The following SLC2A1 variants were observed in gnomAD, a reference collection of about 807,000 sequenced individuals.
The protein encoded by SLC2A1 is solute carrier family 2 member 1.
In SLC2A1, 4 loss-of-function variants were observed where a neutral mutation model predicts 46.6. The observed-to-expected ratio is 0.09, with a 90% CI of 0.04 to 0.20. SLC2A1 has a LOEUF of 0.20. Ranked by LOEUF, SLC2A1 falls within the 10% of genes least tolerant of loss-of-function variation. The pLI, the probability that SLC2A1 is intolerant of heterozygous loss-of-function variation, is 1.00. For missense variants in SLC2A1, 352 were observed against 667.0 expected, an observed-to-expected ratio of 0.53 and a Z score of 5.20; for synonymous variants, 253 against 270.0, an observed-to-expected ratio of 0.94 and a Z score of 0.62.
rs1381794818 is a variant in SLC2A1, at chr1:42,925,380, A to G, written c.*1661T>C. 3 of 152,196 alleles carry G rather than the reference A, an allele frequency of 2.0e-5. No homozygotes were observed. The highest frequency in any genetic ancestry group is 2.1e-4 in the South Asian group (1 of 4,834). The allele number at this position is 152,196 out of a possible 1,614,324, so 9.4% of individuals were successfully genotyped here. A position where few individuals can be genotyped will look rare whatever the true frequency, so the allele number is the denominator to read the frequency against. On this transcript the variant is annotated 3_prime_UTR_variant, in exon 10 of 10. Transcript: ENST00000426263. ...TTGTCAGCTGAGCCTCTAGAGACAA[A>G]TATCTTTGGTGTTTTATTTCCTCCA...
intron 2 of SLC2A1, among the ~76,000 whole-genome samples, chr1:42,938,124 TCA>T (rs1157158713): frequency 6.6e-6 from 1 of 152,202 alleles, no homozygotes; most frequent in African/African-American, 2.4e-5. Flanking sequence ...TACTGGCAGC[TCA>T]GTCATTTGGG....
chr1:42,937,848 G>T (rs1424433782), intron 2 of SLC2A1, among the ~76,000 whole-genome samples: 2 of 152,204 alleles, frequency 1.3e-5, no homozygotes, highest in Non-Finnish European at 2.9e-5. Context: ...ACGAAGCCCA[G>T]TTCAGCCTGA....
At position 42,943,933 on chromosome 1, in the gene SLC2A1, C is replaced by T. The variant is rs184662808; in HGVS notation, c.19-612G>A. Among the ~76,000 whole-genome samples the T allele has an allele frequency of 7.1e-3, 1,082 of 152,288 alleles. 5 individuals carry two copies. Among genetic ancestry groups the T allele is most frequent in the Non-Finnish European group, 0.011 (720 of 68,024 alleles). On this transcript the variant is annotated intron_variant, in intron 1 of 9. Coordinates refer to ENST00000426263, the MANE Select transcript of SLC2A1 (RefSeq NM_006516.4). ...TGTGATCCCACCTTGCCCTACCCTT[C>T]CTGCTGTTCACAGGGCAGGAAACTG...
At chr1:42,946,530 T>C (rs1643657675) in intron 1 of SLC2A1, among the ~76,000 whole-genome samples, 1 of 151,880 alleles carries the variant, frequency 6.6e-6, no homozygotes, top group African/African-American at 2.4e-5. Flanking sequence ...GAGGGAAAGA[T>C]TTCCAGTTTT....
chr1:42,930,786 A>G lies in SLC2A1; in HGVS notation c.356T>C (p.Phe119Ser). Residue 119 changes from phenylalanine (F) to serine (S), a missense_variant, in exon 4 of 10, where the codon TTT (phenylalanine) becomes TCT (serine). Physicochemically the swap from Phe to Ser is radical, Grantham distance 155. Transcript: ENST00000426263. This position sits in a 1 kb window ranked among gnomAD's most constrained non-coding sequence, Gnocchi z 6.2. ...LMGFSKLGKS[F>S]EMLILGRFII... ...GAAGCGGCCCAGGATCAGCATCTCA[A>G]AGGACTTGCCCAGTTTCGAGAAGCC... is the stretch of plus-strand genomic sequence containing the variant. 6.2e-7 allele frequency: 1 copy of G among 1,603,068 alleles called. No homozygotes were observed. The highest frequency in any genetic ancestry group is 1.3e-5 in the African/African-American group (1 of 75,026).
chr1:42,950,879 G>A lies in SLC2A1; in HGVS notation c.19-7558C>T, dbSNP rs539729737. On this transcript the variant is annotated intron_variant, in intron 1 of 9. Coordinates refer to ENST00000426263, the MANE Select transcript of SLC2A1 (RefSeq NM_006516.4). ...AATCCCAACTACTCGGGAGGCTGAGGCAGGAGAATCACTTGAACCCGGGAG... is the reference window on the plus strand; with the variant it reads ...AATCCCAACTACTCGGGAGGCTGAGACAGGAGAATCACTTGAACCCGGGAG... Among the ~76,000 whole-genome samples the A allele has an allele frequency of 8.3e-4, 127 of 152,264 alleles. 1 individual carries two copies. Among genetic ancestry groups the A allele is most frequent in the African/African-American group, 3.0e-3 (124 of 41,526 alleles).
intron 1 of SLC2A1, among the ~76,000 whole-genome samples, chr1:42,953,282 G>A (rs1643740261): frequency 6.6e-6 from 1 of 152,244 alleles, no homozygotes; most frequent in South Asian, 2.1e-4. Context: ...CCAGGTTCAA[G>A]GCCTGGGAGC....
At chr1:42,939,643 T>C (rs1643576308) in intron 2 of SLC2A1, among the ~76,000 whole-genome samples, 1 of 152,174 alleles carries the variant, frequency 6.6e-6, no homozygotes, top group East Asian at 1.9e-4. Flanking sequence ...TTTGTCTACA[T>C]CTTCAGAAGT....
In SLC2A1 at chr1:42,927,228, G is replaced by A. The variant is rs1175838250; in HGVS notation, c.1292C>T (p.Pro431Leu). The A allele has an allele frequency of 6.2e-7, 1 of 1,613,854 alleles. No homozygotes were observed. Among genetic ancestry groups the A allele is most frequent in the East Asian group, 2.2e-5 (1 of 44,894 alleles). Residue 431 changes from proline (P) to leucine (L), a missense_variant, in exon 10 of 10, where the codon CCC becomes CTC. Pro to Leu is a moderately conservative substitution (Grantham distance 98). Coordinates refer to ENST00000426263, the MANE Select transcript of SLC2A1 (RefSeq NM_006516.4). The surrounding 1 kb of genome is among the most constrained non-coding windows in gnomAD (Gnocchi z 5.3). ...CACAGTGAAGATGATGAAGACGTAGGGACCACACAGTTGCTGAAAGACACA... is the reference window on the plus strand; with the variant it reads ...CACAGTGAAGATGATGAAGACGTAGAGACCACACAGTTGCTGAAAGACACA... ...CFQYVEQLCG[P>L]YVFIIFTVLL... is the part of the protein sequence containing the mutation.
chr1:42,930,416 G>C lies in SLC2A1; in HGVS notation c.516+210C>G. 1.3e-6 allele frequency: 1 copy of C among 760,950 alleles called. No homozygotes were observed. Among genetic ancestry groups the C allele is most frequent in the Non-Finnish European group, 2.3e-6 (1 of 428,940 alleles). The allele number at this position is 760,950 out of a possible 1,614,324, so 47.1% of individuals were successfully genotyped here. ...CCCTGTGGTTGGAAGCCTAGAGTGA[G>C]AAGAAAGGGACTGAGAAGAGTCAAG... is the stretch of plus-strand genomic sequence containing the variant. On this transcript the variant is annotated intron_variant, in intron 4 of 9. Transcript: ENST00000426263. The surrounding 1 kb of genome is among the most constrained non-coding windows in gnomAD (Gnocchi z 6.2).
chr1:42,938,830 T>G (rs1643568201), intron 2 of SLC2A1, among the ~76,000 whole-genome samples: 2 of 152,160 alleles, frequency 1.3e-5, no homozygotes, highest in Non-Finnish European at 2.9e-5. Flanking sequence ...CGTGAAGCCC[T>G]TTTTTTAATC....
In SLC2A1 at chr1:42,929,692, C is replaced by G. The variant is rs781458890; in HGVS notation, c.768G>C (p.Lys256Asn). 6.2e-7 allele frequency: 1 copy of G among 1,613,706 alleles called. No individual in the cohort carries two copies. The highest frequency in any genetic ancestry group is 1.3e-5 in the African/African-American group (1 of 74,886). ...EESRQMMREK[K>N]VTILELFRSP... ...AGCGGAACAGCTCCAGGATGGTGAC[C>G]TTCTTCTCCCGCATCATCTGCCGAC... Residue 256 changes from lysine to asparagine, a missense_variant, in exon 6 of 10, where the codon AAG becomes AAC. By Grantham distance (94) the Lys-to-Asn change is moderately conservative. This residue lies in a region of SLC2A1 where 167 missense variants were observed against 280.8 expected (regional missense o/e 0.59). Coordinates refer to ENST00000426263, the MANE Select transcript of SLC2A1 (RefSeq NM_006516.4). This position sits in a 1 kb window ranked among gnomAD's most constrained non-coding sequence, Gnocchi z 6.0.
At chr1:42,936,159 T>C (rs1372021355) in intron 2 of SLC2A1, among the ~76,000 whole-genome samples, 1 of 152,116 alleles carries the variant, frequency 6.6e-6, no homozygotes, top group Non-Finnish European at 1.5e-5. Flanking sequence ...AGTTAGGTCA[T>C]CCCCAGCAGG....
rs757409751 is a variant in SLC2A1, at chr1:42,927,575, G to C, written c.1278+30C>G. 260 of 1,478,096 alleles carry C rather than the reference G, an allele frequency of 1.8e-4. No individual in the cohort carries two copies. Among genetic ancestry groups the C allele is most frequent in the Non-Finnish European group, 2.2e-4 (242 of 1,118,642 alleles). 91.6% of individuals were successfully genotyped at this position (1,478,096 alleles called of 1,614,324 possible). On this transcript the variant is annotated intron_variant, in intron 9 of 9. Coordinates refer to ENST00000426263, the MANE Select transcript of SLC2A1 (RefSeq NM_006516.4). The surrounding 1 kb of genome is among the most constrained non-coding windows in gnomAD (Gnocchi z 5.3). ...ACAGCACTGTGGGGTCATGCGTGCG[G>C]GTGAGTATAGAGACAGTGGGGGTTC...
chr1:42,950,344 G>A (rs778419500), intron 1 of SLC2A1, among the ~76,000 whole-genome samples: 1 of 152,250 alleles, frequency 6.6e-6, no homozygotes, highest in Admixed American at 6.5e-5. Flanking sequence ...AAAGTTGATC[G>A]GCCTCTGCTT....
At position 42,929,495 on chromosome 1, in the gene SLC2A1, G is replaced by T. The variant is rs777475378; in HGVS notation, c.867+98C>A. The T allele has an allele frequency of 7.8e-7, 1 of 1,288,858 alleles. No individual in the cohort carries two copies. The highest frequency in any genetic ancestry group is 1.2e-5 in the South Asian group (1 of 82,508). 79.8% of individuals were successfully genotyped at this position (1,288,858 alleles called of 1,614,324 possible). A position where few individuals can be genotyped will look rare whatever the true frequency, so the allele number is the denominator to read the frequency against. On this transcript the variant is annotated intron_variant, in intron 6 of 9. Coordinates refer to ENST00000426263, the MANE Select transcript of SLC2A1 (RefSeq NM_006516.4). This position sits in a 1 kb window ranked among gnomAD's most constrained non-coding sequence, Gnocchi z 6.0. ...GGTCTAAAGGGAAACTTCTTCGGCA[G>T]AGGCGTATCTGTTGTTTCAAGTTTG...
intron 1 of SLC2A1, among the ~76,000 whole-genome samples, chr1:42,949,691 C>T (rs1011200082): frequency 8.5e-5 from 13 of 152,166 alleles, no homozygotes; most frequent in Non-Finnish European, 1.5e-4. Context: ...GCAGCAGCAG[C>T]GAGCTGAGGC....
In SLC2A1 at chr1:42,958,808, G is replaced by T; in HGVS notation, c.-157C>A. On this transcript the variant is annotated 5_prime_UTR_variant, in exon 1 of 10. Transcript: ENST00000426263. ...CGTTTGGTCTCCTGCTCCCTGGCGT[G>T]CTCACTCGGGGACCCGCGACTAGCG... The T allele has an allele frequency of 2.8e-6, 2 of 702,574 alleles. No homozygotes were observed. Among genetic ancestry groups the T allele is most frequent in the Admixed American group, 2.6e-5 (1 of 38,042 alleles). The allele number at this position is 702,574 out of a possible 1,614,324, so 43.5% of individuals were successfully genotyped here.
chr1:42,942,487 T>A lies in SLC2A1; in HGVS notation c.114+739A>T, dbSNP rs145646347. Among the ~76,000 whole-genome samples the A allele has an allele frequency of 4.7e-5, 7 of 150,254 alleles. No individual in the cohort carries two copies. In the East Asian group the frequency reaches 1.4e-3, roughly 29 times the overall value. ...AGGAGATGGTCTAGGTCCCTTCCCA[T>A]CCTGACATTCAAGTAAACAAGTGAG... is the stretch of plus-strand genomic sequence containing the variant. On this transcript the variant is annotated intron_variant, in intron 2 of 9. Transcript: ENST00000426263.
Sources: allele counts gnomAD v4.1 joint callset (sites outside exome capture counted in the v4.1 genomes callset), GRCh38; gene constraint gnomAD v4.1.1; regional missense constraint gnomAD v4.1.1; non-coding constraint Gnocchi (gnomAD v3.1); transcripts MANE v1.5; gene names NCBI Gene and HGNC (gene_info 2026-07-23, HGNC 2026-07-21).